AATK: variants seen among roughly 807,000 people sequenced by gnomAD.
AATK encodes lemur tail kinase 1.
Under a neutral mutation model 114.3 loss-of-function variants are expected in AATK, and 91 were observed. That is an observed-to-expected ratio of 0.80 (90% CI 0.67 to 0.95). The LOEUF (loss-of-function observed/expected upper bound fraction) is 0.95. Among genes scored for constraint, AATK ranks in the 40% least tolerant of loss-of-function variants. The probability of loss-of-function intolerance (pLI) is 0.00; values close to 1 mark genes in which losing one functional copy is unlikely to be tolerated. For synonymous variants in AATK, 1,075 were observed against 916.5 expected (o/e 1.17, Z -3.12); for missense variants, 2,176 against 1,965.2 (o/e 1.11, Z -2.03).
In AATK at chr17:81,120,647, A is replaced by AGCTGGG. The variant is rs2060687950; in HGVS notation, c.3283_3288dup (p.Pro1095_Ser1096dup). 1.2e-5 allele frequency: 18 copies of AGCTGGG among 1,531,020 alleles called. No homozygotes were observed. Among genetic ancestry groups the AGCTGGG allele is most frequent in the Admixed American group, 2.2e-5 (1 of 45,244 alleles). 94.8% of individuals were successfully genotyped at this position (1,531,020 alleles called of 1,614,324 possible). ...GGGGTCAGCAGGAAAAACTGGGAGC[A>AGCTGGG]GCTGGGGCTGGGCCCAGGCCGCACC... is the stretch of plus-strand genomic sequence containing the variant. On this transcript the variant is annotated inframe_insertion, in exon 11 of 14. Coordinates refer to ENST00000326724, the MANE Select transcript of AATK (RefSeq NM_001080395.3).
intron 3 of AATK, among the ~76,000 whole-genome samples, chr17:81,130,540 ACCAC>A (rs2060913825): frequency 6.6e-6 from 1 of 151,512 alleles, no homozygotes; most frequent in African/African-American, 2.4e-5. Context: ...AGGCTAATTC[ACCAC>A]CCGCCCACAC....
intron 2 of AATK, chr17:81,131,798 G>A (rs1250198681): frequency 7.9e-7 from 1 of 1,270,310 alleles, no homozygotes; most frequent in Admixed American, 2.4e-5. Flanking sequence ...CCACAGTCCT[G>A]TGGGAGAAGC....
chr17:81,150,236 G>C (rs2061277149), intron 1 of AATK, among the ~76,000 whole-genome samples: 2 of 151,926 alleles, frequency 1.3e-5, no homozygotes, highest in Admixed American at 1.3e-4. Flanking sequence ...GCTGTTTGCT[G>C]TAAGATGGTT....
In AATK at chr17:81,120,015, C is replaced by A; in HGVS notation, c.3804G>T (p.Arg1268Ser). The A allele has an allele frequency of 2.1e-6, 3 of 1,452,096 alleles. No individual in the cohort carries two copies. The highest frequency in any genetic ancestry group is 2.7e-6 in the Non-Finnish European group (3 of 1,101,806). The allele number at this position is 1,452,096 out of a possible 1,614,324, so 90.0% of individuals were successfully genotyped here. Residue 1268 changes from arginine (R) to serine (S), a missense_variant, in exon 12 of 14, where the codon AGG becomes AGT. Transcript: ENST00000326724. ...GGGCGCTGGGAGAGCCGGGGCTCCC[C>A]CTAAGGAACGTAGGGGGCGATTCCT... is the stretch of plus-strand genomic sequence containing the variant. ...GAKESPPTFL[R>S]GSPGSPSAPN...
chr17:81,125,980 G>A (rs1164638420), intron 7 of AATK: 2 of 477,204 alleles, frequency 4.2e-6, no homozygotes, highest in Non-Finnish European at 8.7e-6. Context: ...GGGCTGACGG[G>A]GCCACGTGTC....
intron 1 of AATK, among the ~76,000 whole-genome samples, chr17:81,157,283 C>A (rs927333225): frequency 6.6e-6 from 1 of 152,190 alleles, no homozygotes; most frequent in Non-Finnish European, 1.5e-5. Context: ...GCAAGGTCCA[C>A]GGGCCCGGGC....
intron 1 of AATK, among the ~76,000 whole-genome samples, chr17:81,155,296 G>A (rs1166720827): frequency 1.3e-5 from 2 of 152,170 alleles, no homozygotes; most frequent in Non-Finnish European, 2.9e-5. Flanking sequence ...TATTTCAGAC[G>A]AACGCAGTGA....
At chr17:81,124,408 C>T (rs920060277) in intron 9 of AATK, among the ~76,000 whole-genome samples, 1 of 152,216 alleles carries the variant, frequency 6.6e-6, no homozygotes, top group African/African-American at 2.4e-5. Context: ...AGCCAACACC[C>T]CACCCAGACC....
At chr17:81,163,139 C>A (rs1368054954) in intron 1 of AATK, among the ~76,000 whole-genome samples, 1 of 152,212 alleles carries the variant, frequency 6.6e-6, no homozygotes, top group Non-Finnish European at 1.5e-5. Flanking sequence ...GACCCCCACC[C>A]TCAGGCTGAG....
Position 81,122,293 on chromosome 17 carries a change from G to T in AATK, c.1643C>A (p.Ala548Asp). The change falls in exon 11 of 14, where the codon GCC (alanine) becomes GAC (aspartate). Residue 548 changes from alanine (A) to aspartate (D), a missense_variant. By Grantham distance (126) the Ala-to-Asp change is moderately radical. Around this residue, in one of 4 missense-constraint regions of AATK, gnomAD observed 1,701 missense variants for 1,394.7 expected, o/e 1.22. Coordinates refer to ENST00000326724, the MANE Select transcript of AATK (RefSeq NM_001080395.3). ...APAAGHDPDC[A>D]GCAPSPPATA... is the part of the protein sequence containing the mutation. ...GGCAGGTGGACTGGGGGCGCAGCCG[G>T]CGCAGTCAGGGTCGTGGCCGGCGGC... The T allele has an allele frequency of 6.6e-7, 1 of 1,506,382 alleles. No individual in the cohort carries two copies. The highest frequency in any genetic ancestry group is 8.8e-7 in the Non-Finnish European group (1 of 1,134,150). 93.3% of individuals were successfully genotyped at this position (1,506,382 alleles called of 1,614,324 possible). A position where few individuals can be genotyped will look rare whatever the true frequency, so the allele number is the denominator to read the frequency against.
intron 2 of AATK, among the ~76,000 whole-genome samples, chr17:81,131,508 T>C (rs767059994): frequency 3.9e-5 from 6 of 152,146 alleles, no homozygotes; most frequent in Non-Finnish European, 7.4e-5. Flanking sequence ...AAGGGCGCGA[T>C]GAGCTGTAGG....
intron 1 of AATK, among the ~76,000 whole-genome samples, chr17:81,159,999 C>T (rs1023897773): frequency 2.0e-5 from 3 of 152,176 alleles, no homozygotes; most frequent in Non-Finnish European, 2.9e-5. Context: ...GGCCACGCCC[C>T]GCCGTGAGAG....
Position 81,118,244 on chromosome 17 carries a change from C to T in AATK, c.*158G>A. Reference sequence around the variant, plus strand: ...GATCTACCATCCAGGGCCTCTCATCCCACGGGCTTCTCCAGGACACCGCGT... The same window carrying T: ...GATCTACCATCCAGGGCCTCTCATCTCACGGGCTTCTCCAGGACACCGCGT... On this transcript the variant is annotated 3_prime_UTR_variant, in exon 14 of 14. Transcript: ENST00000326724. 1 of 689,106 alleles carries T rather than the reference C, an allele frequency of 1.5e-6. No homozygotes were observed. Among genetic ancestry groups the T allele is most frequent in the Non-Finnish European group, 2.5e-6 (1 of 407,880 alleles). 42.7% of individuals were successfully genotyped at this position (689,106 alleles called of 1,614,324 possible). A position where few individuals can be genotyped will look rare whatever the true frequency, so the allele number is the denominator to read the frequency against.
At chr17:81,155,034 A>G (rs1277969704) in intron 1 of AATK, among the ~76,000 whole-genome samples, 1 of 152,052 alleles carries the variant, frequency 6.6e-6, no homozygotes. Flanking sequence ...CTGCGTGGAG[A>G]CCTTTGGAGG....
rs1189613903 is a variant in AATK at position 81,132,722 on chromosome 17, T to C, written c.190-1517A>G. Reference sequence around the variant, plus strand: ...CAATCAGGTAGCACAGGGTCAGCATTGGGGGCCTGCCCAGCCCCTTCCCTC... The same window carrying C: ...CAATCAGGTAGCACAGGGTCAGCATCGGGGGCCTGCCCAGCCCCTTCCCTC... On this transcript the variant is annotated intron_variant, in intron 2 of 13. Coordinates refer to ENST00000326724, the MANE Select transcript of AATK (RefSeq NM_001080395.3). 1.0e-5 allele frequency: 3 copies of C among 295,802 alleles called. No individual in the cohort carries two copies. The Admixed American group carries it at 1.2e-4, about 12-fold the overall frequency. 18.3% of individuals were successfully genotyped at this position (295,802 alleles called of 1,614,324 possible).
intron 1 of AATK, chr17:81,165,570 G>T: frequency 8.2e-7 from 1 of 1,218,212 alleles, no homozygotes; most frequent in Non-Finnish European, 1.1e-6. Context: ...AGAGGCCATG[G>T]AAAGCCTGAA....
At position 81,124,994 on chromosome 17, in the gene AATK, C is replaced by A; in HGVS notation, c.776G>T (p.Cys259Phe). The change falls in exon 8 of 14, where the codon TGC becomes TTC. Residue 259 changes from cysteine (C) to phenylalanine (F), a missense_variant. Cys to Phe is a radical substitution (Grantham distance 205). Transcript: ENST00000326724. The stretch of plus-strand genomic sequence containing the variant: ...CACCGTCAGGTCAGCCGTGAGCAGG[C>A]AGTTCCGCAGGGCCAGGTCGCTGCA... Reference protein sequence around the residue: ...FVHSDLALRNCLLTADLTVKI... With the variant: ...FVHSDLALRNFLLTADLTVKI... 6.4e-7 allele frequency: 1 copy of A among 1,567,946 alleles called. No individual in the cohort carries two copies. Among genetic ancestry groups the A allele is most frequent in the Non-Finnish European group, 8.6e-7 (1 of 1,157,044 alleles).
chr17:81,138,673 GCACACCCACC>G (rs2146350041), intron 1 of AATK, among the ~76,000 whole-genome samples: 1 of 141,616 alleles, frequency 7.1e-6, no homozygotes, highest in African/African-American at 2.6e-5. Context: ...ATCCATACAT[GCACACCCACC>G]CACACACACC....
rs113013318 is a variant in AATK, at chr17:81,141,531, G to GGCCACAGCA, written c.56-7031_56-7030insTGCTGTGGC. On this transcript the variant is annotated intron_variant, in intron 1 of 13. Transcript: ENST00000326724. ...AGACTCCATGAAATCTGTAATCAGTGGCCACAGGAAACTCATGCAACAGCC... is the reference window on the plus strand; with the variant it reads ...AGACTCCATGAAATCTGTAATCAGTGGCCACAGCAGCCACAGGAAACTCATGCAACAGCC... 4.8e-3 allele frequency among the ~76,000 whole-genome samples: 725 copies of GGCCACAGCA among 152,316 alleles called. 14 individuals carry two copies. Among genetic ancestry groups the GGCCACAGCA allele is most frequent in the African/African-American group, 0.016 (667 of 41,580 alleles).
Sources: allele counts gnomAD v4.1 joint callset (sites outside exome capture counted in the v4.1 genomes callset), GRCh38; gene constraint gnomAD v4.1.1; regional missense constraint gnomAD v4.1.1; transcripts MANE v1.5; gene names NCBI Gene and HGNC (gene_info 2026-07-23, HGNC 2026-07-21).